The following MAD2L2 variants were observed in gnomAD, a reference collection of about 807,000 sequenced individuals.
MAD2L2 encodes mitotic spindle assembly checkpoint protein MAD2B.
Under a neutral mutation model 30.5 loss-of-function variants are expected in MAD2L2, and 17 were observed. That is an observed-to-expected ratio of 0.56 (90% CI 0.38 to 0.84). The LOEUF (loss-of-function observed/expected upper bound fraction) is 0.84, where lower values mean the gene tolerates loss of function less well. Ranked by LOEUF, MAD2L2 falls within the 40% of genes least tolerant of loss-of-function variation. MAD2L2 has a pLI of 0.00. For synonymous variants in MAD2L2, 101 were observed against 113.9 expected (o/e 0.89, Z 0.72); for missense variants, 213 against 277.4 (o/e 0.77, Z 1.65).
intron 4 of MAD2L2, 167 bp from the exon 5 acceptor site, chr1:11,677,115 G>T: frequency 1.5e-6 from 1 of 660,420 alleles, no homozygotes; most frequent in South Asian, 1.7e-5. Context: ...TTGAGAAGCC[G>T]GCACCCTCCA....
At chr1:11,677,466 C>T (rs1186655744) in intron 4 of MAD2L2, 77 bp downstream of exon 4, 6 of 1,398,108 alleles carry the variant, frequency 4.3e-6, no homozygotes, top group Non-Finnish European at 6.1e-6. Context: ...TCACCCCATC[C>T]CAGAGTTGGA....
chr1:11,682,530 A>G (rs12068270), upstream of MAD2L2, among the ~76,000 whole-genome samples: 3,033 of 148,012 alleles, frequency 0.02, 86 homozygotes, highest in African/African-American at 0.069. Flanking sequence ...GTAACCCATT[A>G]AGCTAGGAAT....
exon 1 of MAD2L2, chr1:11,691,632 C>G (rs1641069717): frequency 6.7e-6 from 1 of 149,390 alleles, no homozygotes; most frequent in African/African-American, 2.5e-5. Flanking sequence ...GTCGAGCCCG[C>G]CACCCGCCGC....
In MAD2L2 at chr1:11,674,760, G is replaced by A. The variant is rs774088224; in HGVS notation, c.*15C>T. The A allele has an allele frequency of 2.1e-5, 34 of 1,613,140 alleles. 1 individual carries two copies. The South Asian group carries it at 3.4e-4, about 16-fold the overall frequency. On this transcript the variant is annotated 3_prime_UTR_variant, in exon 9 of 9. Transcript: ENST00000376692. This position sits in a 1 kb window ranked among gnomAD's most constrained non-coding sequence, Gnocchi z 6.1. ...GTCTGACAGTTTGGGCATCAGTGGG[G>A]TGGCAGGTGCCCCCTCAGCTGCCTT...
At chr1:11,679,037 G>A (rs764875457) in intron 3 of MAD2L2, among the ~76,000 whole-genome samples, 17 of 152,184 alleles carry the variant, frequency 1.1e-4, no homozygotes, top group African/African-American at 4.1e-4. Flanking sequence ...GGTGGCACAC[G>A]CCTGTAATCC....
chr1:11,678,446 G>A (rs757342458), intron 3 of MAD2L2, among the ~76,000 whole-genome samples: 1 of 152,142 alleles, frequency 6.6e-6, no homozygotes, highest in Non-Finnish European at 1.5e-5. Context: ...ATCCCAATAT[G>A]AGCATTTAAT....
chr1:11,676,735 C>T (rs1640775622), intron 5 of MAD2L2, 113 bp downstream of exon 5: 6 of 807,158 alleles, frequency 7.4e-6, no homozygotes, highest in South Asian at 7.2e-5. Context: ...GCTTCTTGCC[C>T]TTTCTCCTCC....
At chr1:11,677,254 CAG>C (rs1640785746) in intron 4 of MAD2L2, 7 of 596,964 alleles carry the variant, frequency 1.2e-5, no homozygotes, top group Admixed American at 3.0e-5. Flanking sequence ...GCGTGGAGAA[CAG>C]GGGACGGATG....
chr1:11,687,213 G>A lies in MAD2L2; in HGVS notation c.-692+4200C>T, dbSNP rs981757361. On this transcript the variant is annotated intron_variant, in intron 1 of 10. Transcript: ENST00000235310. The surrounding 1 kb of genome is among the most constrained non-coding windows in gnomAD (Gnocchi z 4.1). ...CCCCAATAGCTGGGGCTACAGGTGT[G>A]CACCATCACACCCAGCTAATTTTTA... Among the ~76,000 whole-genome samples the A allele has an allele frequency of 3.6e-4, 54 of 152,078 alleles. No individual in the cohort carries two copies. The highest frequency in any genetic ancestry group is 1.3e-3 in the African/African-American group (53 of 41,496).
chr1:11,674,879 A>G lies in MAD2L2; in HGVS notation c.595-63T>C. ...AGCCAGGGCATCCCTGCTGGAGGAC[A>G]CAGAAGCCCCTGGTGGGCAGACCTC... On this transcript the variant is annotated intron_variant, in intron 8 of 8. Transcript: ENST00000376692. This position sits in a 1 kb window ranked among gnomAD's most constrained non-coding sequence, Gnocchi z 6.1. 1 of 1,582,966 alleles carries G rather than the reference A, an allele frequency of 6.3e-7. No homozygotes were observed. Among genetic ancestry groups the G allele is most frequent in the East Asian group, 2.2e-5 (1 of 44,704 alleles).
At position 11,681,068 on chromosome 1, in the gene MAD2L2, C is replaced by G. The variant is rs1640868584; in HGVS notation, c.-42G>C. The G allele has an allele frequency of 6.5e-6, 1 of 152,888 alleles. No homozygotes were observed. Among genetic ancestry groups the G allele is most frequent in the African/African-American group, 2.4e-5 (1 of 41,490 alleles). 9.5% of individuals were successfully genotyped at this position (152,888 alleles called of 1,614,324 possible). A position where few individuals can be genotyped will look rare whatever the true frequency, so the allele number is the denominator to read the frequency against. ...TCTGCGCTCGGTTCCCGCCCGAGAT[C>G]GGGCCCGGCCCCGCCGCGGGGAGCC... On this transcript the variant is annotated 5_prime_UTR_variant, in exon 1 of 9. Transcript: ENST00000376692.
At position 11,675,090 on chromosome 1, in the gene MAD2L2, T is replaced by A; in HGVS notation, c.586A>T (p.Ile196Phe). Residue 196 changes from isoleucine (I) to phenylalanine (F), a missense_variant, in exon 8 of 9, where the codon ATT becomes TTT. Ile to Phe is a conservative substitution (Grantham distance 21). Transcript: ENST00000376692. ...GTCCCCACGAAGCTCACCTTTAAAA[T>A]GTCCGACGTCATGGTTTTTAGTGGT... The part of the protein sequence containing the change: ...LIPLKTMTSD[I>F]LKMQLYVEER... 1 of 1,591,568 alleles carries A rather than the reference T, an allele frequency of 6.3e-7. No homozygotes were observed. Among genetic ancestry groups the A allele is most frequent in the South Asian group, 1.1e-5 (1 of 88,250 alleles).
intron 4 of MAD2L2, 92 bp downstream of exon 4, chr1:11,677,451 T>C (rs1229569574): frequency 1.6e-6 from 2 of 1,263,094 alleles, no homozygotes; most frequent in Admixed American, 3.4e-5. Context: ...CACAGAGTCC[T>C]AGCTTCACCC....
chr1:11,675,789 C>A (rs55785094), intron 6 of MAD2L2, 58 bp from the exon 7 acceptor site: 2 of 1,397,598 alleles, frequency 1.4e-6, no homozygotes, highest in African/African-American at 2.8e-5. Flanking sequence ...AGCCACTGGG[C>A]CCAGCCTCTT....
chr1:11,691,016 C>A (rs1641052215), intron 1 of MAD2L2, among the ~76,000 whole-genome samples: 1 of 152,146 alleles, frequency 6.6e-6, no homozygotes. Context: ...ACAGGTGCGC[C>A]GTCAGCGCCC....
At chr1:11,675,026 C>A in intron 8 of MAD2L2, 56 bp downstream of exon 8, 2 of 1,452,956 alleles carry the variant, frequency 1.4e-6, no homozygotes, top group Non-Finnish European at 1.9e-6. Flanking sequence ...CAGCACCGGG[C>A]CTCACTTCGT....
At chr1:11,676,491 G>C (rs1450813886) in intron 5 of MAD2L2, among the ~76,000 whole-genome samples, 4 of 152,158 alleles carry the variant, frequency 2.6e-5, no homozygotes, top group African/African-American at 9.7e-5. Context: ...ACAGGCCGTG[G>C]GGACAGGTTG....
In MAD2L2 at chr1:11,687,309, G is replaced by A. The variant is rs929971122; in HGVS notation, c.-692+4104C>T. On this transcript the variant is annotated intron_variant, in intron 1 of 10. Coordinates refer to the MAD2L2 transcript ENST00000235310. This position sits in a 1 kb window ranked among gnomAD's most constrained non-coding sequence, Gnocchi z 4.1. ...GGCTGGAGGGCGGTGGTGCAATCTC[G>A]GCTCAATGAAATCTCTGCCTCCCCG... Among the ~76,000 whole-genome samples, 2 of 152,030 alleles carry A rather than the reference G, an allele frequency of 1.3e-5. No individual in the cohort carries two copies. The highest frequency in any genetic ancestry group is 6.6e-5 in the Admixed American group (1 of 15,256).
Position 11,687,039 on chromosome 1 carries a change from T to A in MAD2L2, c.-692+4374A>T, listed in dbSNP as rs907243116. On this transcript the variant is annotated intron_variant, in intron 1 of 10. Transcript: ENST00000235310. This position sits in a 1 kb window ranked among gnomAD's most constrained non-coding sequence, Gnocchi z 4.1. ...TCCAAAACTACTAATCTACTTTCTG[T>A]TCTATGGATTGTCCAATTTTTTTAT... is the stretch of plus-strand genomic sequence containing the variant. Among the ~76,000 whole-genome samples the A allele has an allele frequency of 2.0e-5, 3 of 152,108 alleles. No homozygotes were observed. The highest frequency in any genetic ancestry group is 4.4e-5 in the Non-Finnish European group (3 of 68,034).
Sources: gnomAD v4.1 joint callset for allele counts (sites outside exome capture counted in the v4.1 genomes callset) on GRCh38, gnomAD v4.1.1 for gene constraint, Gnocchi (gnomAD v3.1) non-coding constraint, MANE v1.5 for transcripts, NCBI Gene and HGNC (gene_info 2026-07-23, HGNC 2026-07-21) for gene names.